RGS22: variants seen among roughly 807,000 people sequenced by gnomAD.
RGS22 encodes regulator of G-protein signaling 22.
RGS22 carries 148 observed loss-of-function variants against 172.9 expected under a neutral mutation model. That is an observed-to-expected ratio of 0.86 (90% CI 0.75 to 0.98). The LOEUF is 0.98. Ranked by LOEUF, RGS22 falls within the 50% of genes least tolerant of loss-of-function variation. RGS22 has a pLI of 0.00. For synonymous variants in RGS22, 458 were observed against 480.2 expected, an observed-to-expected ratio of 0.95 and a Z score of 0.60; for missense variants, 1,347 against 1,440.8, an observed-to-expected ratio of 0.93 and a Z score of 1.05.
intron 20 of RGS22, among the ~76,000 whole-genome samples, chr8:99,992,369 C>A (rs1401841975): frequency 2.0e-5 from 3 of 152,050 alleles, no homozygotes; most frequent in Non-Finnish European, 2.9e-5. Flanking sequence ...ATTCAGGAGA[C>A]CCATCTCACA....
chr8:100,062,344 TG>T (rs1384002222), intron 9 of RGS22, among the ~76,000 whole-genome samples: 1 of 150,474 alleles, frequency 6.6e-6, no homozygotes, highest in Non-Finnish European at 1.5e-5. Flanking sequence ...TAAATTCTGC[TG>T]AAAAAAAAAA....
chr8:100,003,042 G>C (rs1391397420), intron 17 of RGS22: 4 of 160,554 alleles, frequency 2.5e-5, no homozygotes, highest in Non-Finnish European at 5.5e-5. Context: ...GCGACAGAGT[G>C]AGACCTTGTC....
chr8:100,005,625 C>A (rs531498763), intron 16 of RGS22, among the ~76,000 whole-genome samples: 1 of 152,254 alleles, frequency 6.6e-6, no homozygotes, highest in Non-Finnish European at 1.5e-5. Flanking sequence ...ATCGCTGTCA[C>A]GCAACAGTTT....
At chr8:100,055,173 G>T (rs887311099) in intron 9 of RGS22, among the ~76,000 whole-genome samples, 1 of 152,172 alleles carries the variant, frequency 6.6e-6, no homozygotes, top group African/African-American at 2.4e-5. Flanking sequence ...CAGTAGCCAG[G>T]GGGTGGTTAC....
chr8:100,023,716 G>A (rs1272356517), intron 14 of RGS22, among the ~76,000 whole-genome samples: 7 of 152,136 alleles, frequency 4.6e-5, no homozygotes, highest in African/African-American at 1.7e-4. Flanking sequence ...TTATAGGTGC[G>A]AGCCACTGTG....
intron 14 of RGS22, among the ~76,000 whole-genome samples, chr8:100,024,458 T>C (rs1817956598): frequency 6.6e-6 from 1 of 152,174 alleles, no homozygotes; most frequent in South Asian, 2.1e-4. Flanking sequence ...GCCAATGAGT[T>C]CATGAATTTT....
At chr8:100,030,728 T>C (rs1022883207) in intron 14 of RGS22, among the ~76,000 whole-genome samples, 2 of 152,116 alleles carry the variant, frequency 1.3e-5, no homozygotes, top group South Asian at 2.1e-4. Context: ...GAGAATAAAA[T>C]AGACATTTTC....
At position 100,071,544 on chromosome 8, in the gene RGS22, T is replaced by G; in HGVS notation, c.426-7A>C. 3.2e-6 allele frequency: 5 copies of G among 1,579,850 alleles called. No homozygotes were observed. Among genetic ancestry groups the G allele is most frequent in the Non-Finnish European group, 8.6e-7 (1 of 1,167,078 alleles). ...TGAGACCAATTTGGCTAACCTGCAT[T>G]TTAGAAATCATACAAATTTAAAACA... On this transcript the variant is annotated splice_polypyrimidine_tract_variant and splice_region_variant and intron_variant, in intron 5 of 27. Transcript: ENST00000360863.
rs1338582766 is a variant in RGS22 at position 100,041,881 on chromosome 8, TG to T, written c.1858del (p.His620IlefsTer2). 6.2e-7 allele frequency: 1 copy of T among 1,612,828 alleles called. No individual in the cohort carries two copies. The highest frequency in any genetic ancestry group is 2.2e-5 in the East Asian group (1 of 44,774). ...KYMSESSKVIHLTSFTDISEC... is the reference protein window; with the variant it reads ...KYMSESSKVIXLTSFTDISEC... Reference sequence around the variant, plus strand: ...AGAAATGTCAGTAAAAGATGTTAAATGAATGACTTTGCTGCTTTCTGACATG... The same window carrying T: ...AGAAATGTCAGTAAAAGATGTTAAATAATGACTTTGCTGCTTTCTGACATG... On this transcript the variant is annotated frameshift_variant, in exon 12 of 28. Transcript: ENST00000360863. LOFTEE classifies it high-confidence loss of function.
intron 6 of RGS22, among the ~76,000 whole-genome samples, chr8:100,069,625 T>C (rs1810796862): frequency 6.6e-6 from 1 of 152,186 alleles, no homozygotes; most frequent in Non-Finnish European, 1.5e-5. Flanking sequence ...AAAGACTCAA[T>C]TTATCTTTTT....
At chr8:100,016,938 T>G (rs1250797469) in intron 14 of RGS22, among the ~76,000 whole-genome samples, 1 of 136,364 alleles carries the variant, frequency 7.3e-6, no homozygotes, top group Non-Finnish European at 1.6e-5. Context: ...ATATTAATAA[T>G]AATAATACAC....
chr8:99,982,348 T>C (rs1041766984), intron 21 of RGS22, among the ~76,000 whole-genome samples: 6 of 152,240 alleles, frequency 3.9e-5, no homozygotes, highest in African/African-American at 1.2e-4. Context: ...CATATAATCC[T>C]GATCACTTAT....
intron 14 of RGS22, among the ~76,000 whole-genome samples, chr8:100,012,978 ATTTTTTTTTTTT>A (rs35339430): frequency 2.3e-5 from 2 of 88,748 alleles, no homozygotes; most frequent in African/African-American, 4.4e-5. Flanking sequence ...AACGCCTTTG[ATTTTTTTTTTTT>A]TTTTTTTTTT....
rs557445958 is a variant in RGS22 at position 100,030,843 on chromosome 8, T to C, written c.2166+8088A>G. Among the ~76,000 whole-genome samples, 7 of 152,022 alleles carry C rather than the reference T, an allele frequency of 4.6e-5. No homozygotes were observed. In the South Asian group the frequency reaches 1.5e-3, roughly 32 times the overall value. On this transcript the variant is annotated intron_variant, in intron 14 of 27. Transcript: ENST00000360863. ...GTAAGGAATATGACACAAAAAGCAA[T>C]AGCAAGCAAGAAATTTGTGAATAAA...
At chr8:99,962,350 C>G in intron 27 of RGS22, 44 bp downstream of exon 27, 1 of 1,247,370 alleles carries the variant, frequency 8.0e-7, no homozygotes, top group Admixed American at 1.7e-5. Flanking sequence ...GAGTGTATTA[C>G]GAGGACATGT....
rs1810145284 is a variant in RGS22 at position 99,961,091 on chromosome 8, T to C, written c.*151A>G. The C allele has an allele frequency of 2.5e-6, 1 of 395,564 alleles. No homozygotes were observed. The highest frequency in any genetic ancestry group is 2.1e-5 in the African/African-American group (1 of 47,046). 24.5% of individuals were successfully genotyped at this position (395,564 alleles called of 1,614,324 possible). A position where few individuals can be genotyped will look rare whatever the true frequency, so the allele number is the denominator to read the frequency against. On this transcript the variant is annotated 3_prime_UTR_variant, in exon 28 of 28. Transcript: ENST00000360863. ...CTTTATTTATTTCCCACCTGGAAAA[T>C]CCAGAATCAAACTTTATTTAGATGT...
Position 99,977,270 on chromosome 8 carries a change from ATTTTTTTTT to A in RGS22, c.3519+638_3519+646del, listed in dbSNP as rs895569407. Among the ~76,000 whole-genome samples, 61 of 120,384 alleles carry A rather than the reference ATTTTTTTTT, an allele frequency of 5.1e-4. 1 individual carries two copies. The highest frequency in any genetic ancestry group is 2.6e-4 in the Non-Finnish European group (15 of 58,610). The allele number at this position is 120,384 out of a possible 152,430, so 79.0% of individuals were successfully genotyped here. A position where few individuals can be genotyped will look rare whatever the true frequency, so the allele number is the denominator to read the frequency against. ...AGGCGCAAGCTGCCACGCCCGGTTA[ATTTTTTTTT>A]TTTTTTTTTTTTTTTTGTATTTCAG... is the stretch of plus-strand genomic sequence containing the variant. On this transcript the variant is annotated intron_variant, in intron 23 of 27. Transcript: ENST00000360863.
rs756298372 is a variant in RGS22, at chr8:100,072,136, C to T, written c.425+9G>A. On this transcript the variant is annotated intron_variant, in intron 5 of 27. Coordinates refer to ENST00000360863, the MANE Select transcript of RGS22 (RefSeq NM_015668.5). ...TTTAAAAATACATATATTGATGGGA[C>T]TATAGTACCTGTATTCAAAGTAACA... 1 of 1,529,604 alleles carries T rather than the reference C, an allele frequency of 6.5e-7. No homozygotes were observed. The highest frequency in any genetic ancestry group is 1.2e-5 in the South Asian group (1 of 86,536). 94.8% of individuals were successfully genotyped at this position (1,529,604 alleles called of 1,614,324 possible). A position where few individuals can be genotyped will look rare whatever the true frequency, so the allele number is the denominator to read the frequency against.
intron 9 of RGS22, among the ~76,000 whole-genome samples, chr8:100,061,957 C>A (rs1301129253): frequency 6.6e-6 from 1 of 152,148 alleles, no homozygotes; most frequent in Non-Finnish European, 1.5e-5. Context: ...CCATGGAATA[C>A]TATGCAGCCA....
Sources: gnomAD v4.1 joint callset for allele counts (sites outside exome capture counted in the v4.1 genomes callset) on GRCh38, gnomAD v4.1.1 for gene constraint, MANE v1.5 for transcripts, NCBI Gene and HGNC (gene_info 2026-07-23, HGNC 2026-07-21) for gene names.